IPO13: variants seen among roughly 807,000 people sequenced by gnomAD.
IPO13 encodes the protein importin 13.
IPO13 carries 28 observed loss-of-function variants against 115.5 expected under a neutral mutation model. The observed-to-expected ratio is 0.24, with a 90% CI of 0.18 to 0.33. The LOEUF (loss-of-function observed/expected upper bound fraction) is 0.33. Ranked by LOEUF, IPO13 falls within the 10% of genes least tolerant of loss-of-function variation. IPO13 has a pLI of 1.00. For synonymous variants in IPO13, 414 were observed against 478.9 expected (o/e 0.86, Z 1.77); for missense variants, 785 against 1,204.6 (o/e 0.65, Z 5.16).
chr1:43,956,426 C>T lies in IPO13; in HGVS notation c.928C>T (p.Arg310Cys), dbSNP rs761993293. ...CATGGAGACCTCCCATGGCATCTGT[C>T]GCATCGCTGTGGCCCTGGGCGAGAA... ...GDMETSHGIC[R>C]IAVALGENHS... Residue 310 changes from arginine to cysteine, a missense_variant, in exon 3 of 20, where the codon CGC becomes TGC. Transcript: ENST00000372343. This position sits in a 1 kb window ranked among gnomAD's most constrained non-coding sequence, Gnocchi z 4.7. 8.1e-6 allele frequency: 13 copies of T among 1,614,040 alleles called. No individual in the cohort carries two copies. The Admixed American group carries it at 1.2e-4, about 14-fold the overall frequency.
At chr1:43,948,324 G>A (rs1475113835) in intron 1 of IPO13, among the ~76,000 whole-genome samples, 2 of 152,180 alleles carry the variant, frequency 1.3e-5, no homozygotes, top group Non-Finnish European at 2.9e-5. Flanking sequence ...CGACTGCCCA[G>A]CCCATCTTTC....
chr1:43,965,017 GT>G (rs1557635543), intron 15 of IPO13, among the ~76,000 whole-genome samples: 1 of 152,134 alleles, frequency 6.6e-6, no homozygotes, highest in Non-Finnish European at 1.5e-5. Context: ...GTATGTTGAT[GT>G]GTTGTGTGTT....
Position 43,958,341 on chromosome 1 carries a change from T to G in IPO13, c.1749+73T>G. 6.2e-7 allele frequency: 1 copy of G among 1,611,210 alleles called. No homozygotes were observed. Among genetic ancestry groups the G allele is most frequent in the South Asian group, 1.1e-5 (1 of 90,986 alleles). On this transcript the variant is annotated intron_variant, in intron 9 of 19. Coordinates refer to ENST00000372343, the MANE Select transcript of IPO13 (RefSeq NM_014652.4). The surrounding 1 kb of genome is among the most constrained non-coding windows in gnomAD (Gnocchi z 6.3). ...TCACTTATCCCTGAAATCCTGTTTT[T>G]TGGCCTTCCCCTTCCTCTTATCCCT...
rs1204756348 is a variant in IPO13, at chr1:43,952,163, TG to T, written c.821+2012del. ...CTTTATACTTTATGTGATCAGTTAA[TG>T]GTAATTGTTTATTTATTTATTTTGA... On this transcript the variant is annotated intron_variant, in intron 2 of 19. Coordinates refer to ENST00000372343, the MANE Select transcript of IPO13 (RefSeq NM_014652.4). This position sits in a 1 kb window ranked among gnomAD's most constrained non-coding sequence, Gnocchi z 4.7. Among the ~76,000 whole-genome samples the T allele has an allele frequency of 6.6e-6, 1 of 152,170 alleles. No individual in the cohort carries two copies. Among genetic ancestry groups the T allele is most frequent in the African/African-American group, 2.4e-5 (1 of 41,450 alleles).
Position 43,966,662 on chromosome 1 carries a change from A to C in IPO13, c.2464+21A>C, listed in dbSNP as rs375721506. The stretch of plus-strand genomic sequence containing the variant: ...GTGTGGTAAGTGGGGCGAGATGGAC[A>C]GGTGGGCCTGGGGCTCCCCTAGAAG... On this transcript the variant is annotated intron_variant, in intron 16 of 19. Transcript: ENST00000372343. This position sits in a 1 kb window ranked among gnomAD's most constrained non-coding sequence, Gnocchi z 4.1. 20 of 1,614,020 alleles carry C rather than the reference A, an allele frequency of 1.2e-5. No homozygotes were observed. The highest frequency in any genetic ancestry group is 1.6e-5 in the Non-Finnish European group (19 of 1,179,956).
In IPO13 at chr1:43,958,625, T is replaced by C. The variant is rs2085268388; in HGVS notation, c.1884+30T>C. ...GTGAGCTCTGGGGGCCAGGGAGCGGTACTGAGATGCTGTGGCTGATGAGGG... is the reference window on the plus strand; with the variant it reads ...GTGAGCTCTGGGGGCCAGGGAGCGGCACTGAGATGCTGTGGCTGATGAGGG... On this transcript the variant is annotated intron_variant, in intron 10 of 19. Transcript: ENST00000372343. The surrounding 1 kb of genome is among the most constrained non-coding windows in gnomAD (Gnocchi z 6.3). 6.2e-7 allele frequency: 1 copy of C among 1,613,590 alleles called. No individual in the cohort carries two copies. Among genetic ancestry groups the C allele is most frequent in the Non-Finnish European group, 8.5e-7 (1 of 1,179,780 alleles).
chr1:43,948,230 G>A (rs983164847), intron 1 of IPO13, among the ~76,000 whole-genome samples: 9 of 152,224 alleles, frequency 5.9e-5, no homozygotes, highest in Non-Finnish European at 1.0e-4. Context: ...GAGTCCAAGG[G>A]TCCTGGCCCT....
In IPO13 at chr1:43,952,622, C is replaced by CTA. The variant is rs1460277180; in HGVS notation, c.821+2479_821+2480dup. On this transcript the variant is annotated intron_variant, in intron 2 of 19. Transcript: ENST00000372343. The surrounding 1 kb of genome is among the most constrained non-coding windows in gnomAD (Gnocchi z 4.7). Reference sequence around the variant, plus strand: ...CTAAATTTGAAAAGGAGTTGGTTTCCTATATATATATGTGTGTGTATACAT... The same window carrying CTA: ...CTAAATTTGAAAAGGAGTTGGTTTCCTATATATATATATGTGTGTGTATACAT... Among the ~76,000 whole-genome samples, 3 of 151,722 alleles carry CTA rather than the reference C, an allele frequency of 2.0e-5. No individual in the cohort carries two copies. The highest frequency in any genetic ancestry group is 6.6e-5 in the Admixed American group (1 of 15,218).
At chr1:43,953,571 G>A (rs1389861477) in intron 2 of IPO13, 1 of 152,232 alleles carries the variant, frequency 6.6e-6, no homozygotes, top group South Asian at 2.1e-4. Flanking sequence ...GTCACCTTCA[G>A]TGACTTTGAC....
rs369262061 is a variant in IPO13 at position 43,960,236 on chromosome 1, C to T, written c.2029-13C>T. 9 of 1,613,910 alleles carry T rather than the reference C, an allele frequency of 5.6e-6. No individual in the cohort carries two copies. The highest frequency in any genetic ancestry group is 2.2e-5 in the East Asian group (1 of 44,896). ...GGATAGCAGAAGCGCCTCACTTCTT[C>T]CTGTGCCTTCAGGTGGTGGTGGTGC... On this transcript the variant is annotated splice_polypyrimidine_tract_variant and intron_variant, in intron 11 of 19. Transcript: ENST00000372343.
rs1325109444 is a variant in IPO13, at chr1:43,967,491, C to G, written c.2790C>G (p.Ile930Met). ...AGAAGGATACCTTCAGCCAGCAGAT[C>G]CTTCGGTGAGCAGAGCTGGGGTGGG... ...PEQKDTFSQQ[I>M]LRERVNKRRV... Residue 930 changes from isoleucine to methionine, a missense_variant, in exon 19 of 20, where the codon ATC becomes ATG. Ile to Met is a conservative substitution (Grantham distance 10, BLOSUM62 1). Around this residue, in one of 3 missense-constraint regions of IPO13, gnomAD observed 285 missense variants for 394.8 expected, o/e 0.72. Transcript: ENST00000372343. This position sits in a 1 kb window ranked among gnomAD's most constrained non-coding sequence, Gnocchi z 6.1. 3 of 1,614,096 alleles carry G rather than the reference C, an allele frequency of 1.9e-6. No individual in the cohort carries two copies. Among genetic ancestry groups the G allele is most frequent in the East Asian group, 4.5e-5 (2 of 44,876 alleles).
chr1:43,958,910 G>A lies in IPO13; in HGVS notation c.2028+21G>A. The A allele has an allele frequency of 6.2e-7, 1 of 1,610,424 alleles. No homozygotes were observed. The highest frequency in any genetic ancestry group is 8.5e-7 in the Non-Finnish European group (1 of 1,177,150). ...ACCCCGTGGGTGACATTTGCCCACG[G>A]CAAAGACATTTGTCTTTGCCATCCC... is the stretch of plus-strand genomic sequence containing the variant. On this transcript the variant is annotated intron_variant, in intron 11 of 19. Coordinates refer to ENST00000372343, the MANE Select transcript of IPO13 (RefSeq NM_014652.4). The surrounding 1 kb of genome is among the most constrained non-coding windows in gnomAD (Gnocchi z 6.3).
chr1:43,962,880 T>C (rs2085299518), intron 14 of IPO13, among the ~76,000 whole-genome samples: 1 of 152,242 alleles, frequency 6.6e-6, no homozygotes, highest in African/African-American at 2.4e-5. Context: ...GAGTTTCTTC[T>C]CTCTGCATCC....
In IPO13 at chr1:43,967,051, G is replaced by T; in HGVS notation, c.2613+32G>T. 6.3e-7 allele frequency: 1 copy of T among 1,590,920 alleles called. No individual in the cohort carries two copies. Among genetic ancestry groups the T allele is most frequent in the South Asian group, 1.1e-5 (1 of 90,624 alleles). Reference sequence around the variant, plus strand: ...CGGAGCAAAGGGGGGTTTGATGGGGGTGAGGGCCCCTCACTGCTGAGGCAG... The same window carrying T: ...CGGAGCAAAGGGGGGTTTGATGGGGTTGAGGGCCCCTCACTGCTGAGGCAG... On this transcript the variant is annotated intron_variant, in intron 18 of 19. Transcript: ENST00000372343. The surrounding 1 kb of genome is among the most constrained non-coding windows in gnomAD (Gnocchi z 6.1).
intron 7 of IPO13, 90 bp from the exon 8 acceptor site, chr1:43,957,887 C>T: frequency 7.9e-7 from 1 of 1,273,858 alleles, no homozygotes; most frequent in Non-Finnish European, 1.1e-6. Flanking sequence ...TGCAACTTGA[C>T]CCTGCCAGGA....
chr1:43,962,612 A>G (rs2085297458), intron 14 of IPO13, among the ~76,000 whole-genome samples: 1 of 152,044 alleles, frequency 6.6e-6, no homozygotes, highest in African/African-American at 2.4e-5. Context: ...ACCGTGTCCC[A>G]TTTGATCCCT....
chr1:43,962,305 A>G (rs1026939013), intron 14 of IPO13, among the ~76,000 whole-genome samples: 7 of 150,766 alleles, frequency 4.6e-5, no homozygotes, highest in Non-Finnish European at 8.9e-5. Context: ...ACTTCTACCC[A>G]CCTCCGTGGC....
At position 43,949,935 on chromosome 1, in the gene IPO13, C is replaced by T. The variant is rs1475972868; in HGVS notation, c.603C>T (p.Val201=). The T allele has an allele frequency of 6.2e-7, 1 of 1,609,586 alleles. No homozygotes were observed. Among genetic ancestry groups the T allele is most frequent in the Non-Finnish European group, 8.5e-7 (1 of 1,179,400 alleles). ...RTSLAVECGA[V]FPLLEQLLQQ... ...GCCTGGCGGTGGAATGTGGGGCTGT[C>T]TTCCCGCTGCTGGAGCAGCTGCTAC... The change falls in exon 2 of 20, where the codon GTC becomes GTT. Residue 201 remains valine, a synonymous_variant. Transcript: ENST00000372343.
chr1:43,949,894 G>A lies in IPO13; in HGVS notation c.562G>A (p.Gly188Ser), dbSNP rs751712403. Residue 188 changes from glycine to serine, a missense_variant, in exon 2 of 20, where the codon GGC becomes AGC. By Grantham distance (56) the Gly-to-Ser change is moderately conservative. Coordinates refer to ENST00000372343, the MANE Select transcript of IPO13 (RefSeq NM_014652.4). ...CAGTCGCCTACCCCAGTACCGCAAA[G>A]GCCTGGTGCGGACCAGCCTGGCGGT... ...QTSRLPQYRK[G>S]LVRTSLAVEC... is the part of the protein sequence containing the mutation. The A allele has an allele frequency of 3.1e-6, 5 of 1,611,254 alleles. No individual in the cohort carries two copies. The South Asian group carries it at 5.5e-5, about 18-fold the overall frequency.
Sources: gnomAD v4.1 joint callset for allele counts (sites outside exome capture counted in the v4.1 genomes callset) on GRCh38, gnomAD v4.1.1 for gene constraint, gnomAD v4.1.1 regional missense constraint, Gnocchi (gnomAD v3.1) non-coding constraint, MANE v1.5 for transcripts, NCBI Gene and HGNC (gene_info 2026-07-23, HGNC 2026-07-21) for gene names.